Variants in FRMD6 observed in about 807,000 individuals in gnomAD.
FRMD6 encodes the protein FERM domain containing 6, also known as FERM domain-containing protein 6.
Under a neutral mutation model 73.2 loss-of-function variants are expected in FRMD6, and 37 were observed. The observed-to-expected ratio is 0.51, with a 90% confidence interval of 0.39 to 0.66. The LOEUF (loss-of-function observed/expected upper bound fraction) is 0.66. Ranked by LOEUF, FRMD6 falls within the 30% of genes least tolerant of loss-of-function variation. FRMD6 has a pLI of 0.00. For missense variants in FRMD6, 714 were observed against 780.5 expected (o/e 0.91, Z 1.02); for synonymous variants, 273 against 282.2 (o/e 0.97, Z 0.33).
chr14:51,686,019 C>T lies in FRMD6; in HGVS notation c.-146-3672C>T, dbSNP rs374319183. Among the ~76,000 whole-genome samples the T allele has an allele frequency of 2.5e-4, 38 of 152,254 alleles. No homozygotes were observed. The East Asian group carries it at 4.0e-3, about 16-fold the overall frequency. On this transcript the variant is annotated intron_variant, in intron 1 of 13. Transcript: ENST00000344768. ...GATACATGCCTACTTAGTCATGCTT[C>T]GCTTACAGTAATCTTAACAAATTAC...
intron 1 of FRMD6, among the ~76,000 whole-genome samples, chr14:51,505,775 C>T (rs905883750): frequency 6.6e-6 from 1 of 152,280 alleles, no homozygotes; most frequent in African/African-American, 2.4e-5. Context: ...CCCCTCGACT[C>T]GATCACCCTT....
intron 1 of FRMD6, among the ~76,000 whole-genome samples, chr14:51,653,859 T>A (rs1892617063): frequency 6.6e-6 from 1 of 152,198 alleles, no homozygotes; most frequent in Admixed American, 6.5e-5. Context: ...AAAATGGACA[T>A]TTAGTAGGAT....
At chr14:51,477,705 TTTTCTTTTCTTTCTTTC>T in the FRMD6 span, among the ~76,000 whole-genome samples, 1 of 144,768 alleles carries the variant, frequency 6.9e-6, no homozygotes, top group Non-Finnish European at 1.5e-5. Flanking sequence ...GTTCTTTTCT[TTTTCTTTTCTTTCTTTC>T]TTTCTTTTCT....
intron 2 of FRMD6, among the ~76,000 whole-genome samples, chr14:51,597,891 G>A (rs187858326): frequency 3.3e-4 from 50 of 152,266 alleles, no homozygotes; most frequent in Admixed American, 1.5e-3. Flanking sequence ...CATTAAACCT[G>A]ATGACAGTTT....
intron 1 of FRMD6, among the ~76,000 whole-genome samples, chr14:51,538,195 CTG>C (rs1194582046): frequency 6.6e-6 from 1 of 152,060 alleles, no homozygotes; most frequent in Admixed American, 6.5e-5. Flanking sequence ...GGTACAAAGT[CTG>C]TGTCTAGATT....
intron 1 of FRMD6, among the ~76,000 whole-genome samples, chr14:51,533,563 G>T (rs12890953): frequency 0.02 from 3,090 of 152,170 alleles, 53 homozygotes; most frequent in Middle Eastern, 0.031. Flanking sequence ...AAATGTTGAT[G>T]ATCTTCAACT....
At chr14:51,509,784 G>T (rs975708591) in intron 1 of FRMD6, among the ~76,000 whole-genome samples, 1 of 151,806 alleles carries the variant, frequency 6.6e-6, no homozygotes, top group Admixed American at 6.6e-5. Flanking sequence ...CTGCCACCAC[G>T]CCCGGCTAAT....
the FRMD6 span, among the ~76,000 whole-genome samples, chr14:51,434,076 T>C: frequency 6.6e-6 from 1 of 152,046 alleles, no homozygotes; most frequent in East Asian, 1.9e-4. Flanking sequence ...ATTTCTCAAG[T>C]AGAAGAAATA....
intron 1 of FRMD6, among the ~76,000 whole-genome samples, chr14:51,512,555 A>G (rs1884373567): frequency 6.6e-6 from 1 of 152,152 alleles, no homozygotes; most frequent in Admixed American, 6.5e-5. Context: ...CTTGCCCTTA[A>G]AGCTAGCCCA....
the FRMD6 span, among the ~76,000 whole-genome samples, chr14:51,413,383 C>T: frequency 6.6e-6 from 1 of 152,156 alleles, no homozygotes; most frequent in African/African-American, 2.4e-5. Context: ...TTGTTCAGTT[C>T]CCACCTATGA....
intron 1 of FRMD6, among the ~76,000 whole-genome samples, chr14:51,556,680 G>A (rs1216312378): frequency 7.2e-5 from 11 of 152,142 alleles, no homozygotes; most frequent in Admixed American, 3.3e-4. Context: ...TTTCCAATTC[G>A]TAGTCCATTC....
chr14:51,402,100 G>T, the FRMD6 span, among the ~76,000 whole-genome samples: 2 of 152,204 alleles, frequency 1.3e-5, no homozygotes, highest in African/African-American at 4.8e-5. Context: ...TGGGATTTTT[G>T]ATATACTATT....
intron 2 of FRMD6, among the ~76,000 whole-genome samples, chr14:51,610,102 A>G (rs1378890181): frequency 6.6e-6 from 1 of 152,054 alleles, no homozygotes; most frequent in East Asian, 1.9e-4. Flanking sequence ...ACAGTTCTGT[A>G]CAAGTGCTGA....
intron 1 of FRMD6, among the ~76,000 whole-genome samples, chr14:51,496,893 C>G (rs1347991425): frequency 6.6e-6 from 1 of 152,192 alleles, no homozygotes; most frequent in Admixed American, 6.5e-5. Context: ...CCGGTCCAGA[C>G]ATAAAATTTC....
intron 1 of FRMD6, among the ~76,000 whole-genome samples, chr14:51,517,768 A>G (rs1217121578): frequency 1.3e-5 from 2 of 152,194 alleles, no homozygotes; most frequent in African/African-American, 4.8e-5. Flanking sequence ...AGTCATGGCC[A>G]TGCTTGAAAT....
At chr14:51,463,614 A>T in the FRMD6 span, among the ~76,000 whole-genome samples, 1 of 152,232 alleles carries the variant, frequency 6.6e-6, no homozygotes, top group African/African-American at 2.4e-5. Flanking sequence ...GCAAGGCCAG[A>T]ACCTCTTAGG....
chr14:51,537,920 T>C (rs542332437), intron 1 of FRMD6, among the ~76,000 whole-genome samples: 30 of 152,310 alleles, frequency 2.0e-4, no homozygotes, highest in African/African-American at 7.0e-4. Context: ...TTATCAGATA[T>C]GTCTTTTGCA....
the FRMD6 span, among the ~76,000 whole-genome samples, chr14:51,440,436 G>A: frequency 1.3e-5 from 2 of 152,182 alleles, no homozygotes; most frequent in African/African-American, 4.8e-5. Context: ...ATGTAAAGCT[G>A]GAATGGTGGG....
At chr14:51,682,599 A>T (rs1180692758) in intron 1 of FRMD6, among the ~76,000 whole-genome samples, 3 of 152,194 alleles carry the variant, frequency 2.0e-5, no homozygotes, top group African/African-American at 7.2e-5. Context: ...AGCTAGATGC[A>T]GCAGTTCAAA....
Sources: allele counts gnomAD v4.1 joint callset (sites outside exome capture counted in the v4.1 genomes callset), GRCh38; gene constraint gnomAD v4.1.1; transcripts MANE v1.5; gene names NCBI Gene and HGNC (gene_info 2026-07-23, HGNC 2026-07-21).